The following RBPJ variants were observed in gnomAD, a reference collection of about 807,000 sequenced individuals.
RBPJ encodes the protein recombination signal binding protein for immunoglobulin kappa J region.
RBPJ carries 9 observed loss-of-function variants against 67.8 expected under a neutral mutation model. The observed-to-expected ratio is 0.13, with a 90% CI of 0.08 to 0.23. The LOEUF (loss-of-function observed/expected upper bound fraction) is 0.23, where lower values mean the gene tolerates loss of function less well. Among genes scored for constraint, RBPJ ranks in the 10% least tolerant of loss-of-function variants. The pLI, the probability that RBPJ is intolerant of heterozygous loss-of-function variation, is 1.00. For synonymous variants in RBPJ, 198 were observed against 203.3 expected (o/e 0.97, Z 0.22); for missense variants, 305 against 595.6 (o/e 0.51, Z 5.08).
At chr4:26,109,458 CTCTATATATA>C in the RBPJ span, among the ~76,000 whole-genome samples, 14 of 14,396 alleles carry the variant, frequency 9.7e-4, no homozygotes, top group African/African-American at 3.8e-3. Flanking sequence ...CTCTCTCTCT[CTCTATATATA>C]TATATATATA....
chr4:26,283,231 T>C (rs1721340230), intron 1 of RBPJ, among the ~76,000 whole-genome samples: 1 of 148,078 alleles, frequency 6.8e-6, no homozygotes, highest in South Asian at 2.3e-4. Context: ...TCCCGGCCTC[T>C]TATTTTTAAA....
intron 1 of RBPJ, among the ~76,000 whole-genome samples, chr4:26,354,086 A>G (rs1234277898): frequency 6.6e-6 from 1 of 151,562 alleles, no homozygotes; most frequent in East Asian, 1.9e-4. Context: ...GCGTGCCACC[A>G]TGCCCGGCTA....
intron 1 of RBPJ, among the ~76,000 whole-genome samples, chr4:26,327,243 T>C (rs1332304258): frequency 6.6e-6 from 1 of 152,132 alleles, no homozygotes; most frequent in Non-Finnish European, 1.5e-5. Flanking sequence ...ATATTTACTG[T>C]AGGAGGTTGG....
chr4:26,196,349 T>C lies in RBPJ; in HGVS notation c.-167+32735T>C, dbSNP rs572729914. 2.6e-5 allele frequency among the ~76,000 whole-genome samples: 4 copies of C among 152,344 alleles called. No individual in the cohort carries two copies. The South Asian group carries it at 6.2e-4, about 24-fold the overall frequency. ...AAGTTGTCAAAGGCTCGATATCGTA[T>C]GATTCTATTCATATGAAATGTCCAG... is the stretch of plus-strand genomic sequence containing the variant. On this transcript the variant is annotated intron_variant, in intron 1 of 4. Transcript: ENST00000512351.
At chr4:26,350,143 C>T (rs1726647727) in intron 1 of RBPJ, among the ~76,000 whole-genome samples, 1 of 152,078 alleles carries the variant, frequency 6.6e-6, no homozygotes, top group South Asian at 2.1e-4. Context: ...GAATGTTTTC[C>T]TGTAGATACT....
chr4:26,262,370 C>T (rs942037172), intron 1 of RBPJ, among the ~76,000 whole-genome samples: 3 of 152,210 alleles, frequency 2.0e-5, no homozygotes, highest in Admixed American at 6.5e-5. Flanking sequence ...CCGTCACACC[C>T]GGCTTTTATC....
chr4:26,243,083 C>T (rs1373130256), intron 1 of RBPJ, among the ~76,000 whole-genome samples: 2 of 152,020 alleles, frequency 1.3e-5, no homozygotes, highest in South Asian at 4.2e-4. Context: ...AAAAAGTAGC[C>T]GGGCATGGTG....
chr4:26,221,342 C>T (rs767336832), intron 1 of RBPJ, among the ~76,000 whole-genome samples: 3 of 152,094 alleles, frequency 2.0e-5, no homozygotes, highest in Admixed American at 6.6e-5. Flanking sequence ...CACCCGCCTC[C>T]GCCTCTCAAA....
chr4:26,152,487 T>G, the RBPJ span, among the ~76,000 whole-genome samples: 1 of 152,254 alleles, frequency 6.6e-6, no homozygotes, highest in Non-Finnish European at 1.5e-5. Flanking sequence ...AACTGGTACA[T>G]AGTAAAGCCA....
intron 5 of RBPJ, 171 bp downstream of exon 5, chr4:26,420,896 A>G: frequency 1.8e-6 from 1 of 563,614 alleles, no homozygotes; most frequent in Non-Finnish European, 3.1e-6. Context: ...TATGTGGTCT[A>G]ATGAAGCAGT....
intron 1 of RBPJ, among the ~76,000 whole-genome samples, chr4:26,191,557 A>T (rs1717549701): frequency 6.6e-6 from 1 of 152,188 alleles, no homozygotes; most frequent in Non-Finnish European, 1.5e-5. Context: ...AAGCAAAATC[A>T]GCAAAGGAGA....
chr4:26,140,834 C>CAAATAAATAAAT, the RBPJ span, among the ~76,000 whole-genome samples: 15,157 of 138,266 alleles, frequency 0.11, 1,012 homozygotes, highest in African/African-American at 0.15. Flanking sequence ...GACCCTTCCA[C>CAAATAAATAAAT]AAATAAATAA....
At chr4:26,145,844 T>A in the RBPJ span, among the ~76,000 whole-genome samples, 1 of 152,306 alleles carries the variant, frequency 6.6e-6, no homozygotes, top group Non-Finnish European at 1.5e-5. Flanking sequence ...AAGAGACAAA[T>A]GATACCAAAG....
intron 1 of RBPJ, among the ~76,000 whole-genome samples, chr4:26,341,965 A>C (rs925260468): frequency 6.6e-6 from 1 of 152,220 alleles, no homozygotes; most frequent in Non-Finnish European, 1.5e-5. Flanking sequence ...GGGATGGGAC[A>C]TAGTGCAAAA....
chr4:26,400,146 AT>A (rs1315651199), intron 2 of RBPJ, among the ~76,000 whole-genome samples: 1 of 152,034 alleles, frequency 6.6e-6, no homozygotes, highest in East Asian at 1.9e-4. Flanking sequence ...CAATAATAAA[AT>A]TTTTGGTATT....
Position 26,215,272 on chromosome 4 carries a change from GAAA to G in RBPJ, c.-167+51661_-167+51663del, listed in dbSNP as rs1357127966. Among the ~76,000 whole-genome samples, 95 of 11,386 alleles carry G rather than the reference GAAA, an allele frequency of 8.3e-3. 1 individual carries two copies. The highest frequency in any genetic ancestry group is 9.6e-3 in the Non-Finnish European group (70 of 7,290). 7.5% of individuals were successfully genotyped at this position (11,386 alleles called of 152,430 possible). ...GTAAGAAAGAAAGGAAGGGAGGGAG[GAAA>G]AAGAGAGAGAAAGAAAGAGAAAAAG... On this transcript the variant is annotated intron_variant, in intron 1 of 4. Transcript: ENST00000512351.
chr4:26,163,235 G>A (rs536293627), upstream of RBPJ, among the ~76,000 whole-genome samples: 3 of 152,196 alleles, frequency 2.0e-5, no homozygotes, highest in Admixed American at 1.3e-4. Flanking sequence ...TTTGCCTTTG[G>A]TGATTTGTTT....
intron 1 of RBPJ, chr4:26,321,457 C>CAA (rs1723054317): frequency 6.6e-6 from 1 of 151,904 alleles, no homozygotes; most frequent in Non-Finnish European, 1.5e-5. Flanking sequence ...TTCACCGCTA[C>CAA]CCGCTGCGAC....
intron 1 of RBPJ, among the ~76,000 whole-genome samples, chr4:26,239,742 AG>A (rs1461051898): frequency 1.4e-5 from 2 of 143,804 alleles, no homozygotes; most frequent in South Asian, 4.7e-4. Flanking sequence ...AGGGGAGGGG[AG>A]GGGAGAGGAG....
Sources: gnomAD v4.1 joint callset for allele counts (sites outside exome capture counted in the v4.1 genomes callset) on GRCh38, gnomAD v4.1.1 for gene constraint, MANE v1.5 for transcripts, NCBI Gene and HGNC (gene_info 2026-07-23, HGNC 2026-07-21) for gene names.